The following PSD3 variants were observed in gnomAD, a reference collection of about 807,000 sequenced individuals.
PSD3 encodes the protein PH and SEC7 domain-containing protein 3.
PSD3 carries 49 observed loss-of-function variants against 105.5 expected under a neutral mutation model. The observed-to-expected ratio is 0.46, with a 90% CI of 0.37 to 0.59. The LOEUF is 0.59. Ranked by LOEUF, PSD3 falls within the 20% of genes least tolerant of loss-of-function variation. PSD3 has a pLI of 0.00. For synonymous variants in PSD3, 557 were observed against 457.8 expected, an observed-to-expected ratio of 1.22 and a Z score of -2.77; for missense variants, 1,561 against 1,263.8, an observed-to-expected ratio of 1.24 and a Z score of -3.57.
intron 9 of PSD3, among the ~76,000 whole-genome samples, chr8:18,727,301 C>T (rs1803397009): frequency 1.4e-5 from 2 of 138,244 alleles, no homozygotes. Context: ...CGCACTACTG[C>T]ACTCCAGCCC....
chr8:18,786,954 G>T (rs1034894982), intron 8 of PSD3: 1 of 152,132 alleles, frequency 6.6e-6, no homozygotes, highest in African/African-American at 2.4e-5. Flanking sequence ...TTTCCAAAGG[G>T]AATAAAAGTA....
chr8:18,976,282 T>C (rs1044454269), intron 1 of PSD3, among the ~76,000 whole-genome samples: 6 of 152,132 alleles, frequency 3.9e-5, no homozygotes, highest in Non-Finnish European at 7.3e-5. Context: ...GAAATACAAA[T>C]GCCCAATAAA....
chr8:19,006,282 G>C (rs1228253918), intron 1 of PSD3, among the ~76,000 whole-genome samples: 4 of 117,354 alleles, frequency 3.4e-5, no homozygotes, highest in Non-Finnish European at 6.8e-5. Flanking sequence ...TGACAAGAGC[G>C]AAACTCCATC....
At chr8:18,789,067 C>T (rs1040859569) in intron 8 of PSD3, among the ~76,000 whole-genome samples, 6 of 152,112 alleles carry the variant, frequency 3.9e-5, no homozygotes, top group Non-Finnish European at 7.4e-5. Flanking sequence ...GTCACTGGGA[C>T]TTCTCCCACC....
intron 14 of PSD3, among the ~76,000 whole-genome samples, chr8:18,556,891 G>A (rs893321076): frequency 6.6e-6 from 1 of 152,088 alleles, no homozygotes. Context: ...CAGCTATCTC[G>A]CTTTTCTCTT....
chr8:18,952,770 C>T (rs1823321016), intron 1 of PSD3, among the ~76,000 whole-genome samples: 1 of 152,110 alleles, frequency 6.6e-6, no homozygotes, highest in Admixed American at 6.5e-5. Context: ...TCAGGAGAGC[C>T]CTTCGAAGCT....
chr8:18,900,787 G>C (rs901734033), intron 2 of PSD3, among the ~76,000 whole-genome samples: 1 of 151,686 alleles, frequency 6.6e-6, no homozygotes, highest in Non-Finnish European at 1.5e-5. Context: ...CTACAGGTGT[G>C]CACCAACATG....
At chr8:18,903,884 T>C (rs1346435681) in intron 2 of PSD3, among the ~76,000 whole-genome samples, 2 of 152,100 alleles carry the variant, frequency 1.3e-5, no homozygotes, top group East Asian at 3.9e-4. Flanking sequence ...GCCAAAGTAC[T>C]GTTTCCCCAG....
chr8:18,956,993 C>T (rs1422683756), intron 1 of PSD3, among the ~76,000 whole-genome samples: 1 of 152,254 alleles, frequency 6.6e-6, no homozygotes, highest in African/African-American at 2.4e-5. Context: ...TTCTCCTCTC[C>T]CAAGATGAAA....
Position 18,867,702 on chromosome 8 carries a change from C to A in PSD3, c.1606G>T (p.Gly536Cys), listed in dbSNP as rs781083219. ...NDASDSIYTKGTPEIAFWGSN... is the reference protein window; with the variant it reads ...NDASDSIYTKCTPEIAFWGSN... ...CCCCAGAAAGCAATCTCCGGGGTGC[C>A]TTTCGTGTAGATGGAGTCGCTGGCA... Residue 536 changes from glycine (G) to cysteine (C), a missense_variant, in exon 4 of 16, where the codon GGC becomes TGC. Coordinates refer to ENST00000327040, the MANE Select transcript of PSD3 (RefSeq NM_015310.4). 6 of 1,613,394 alleles carry A rather than the reference C, an allele frequency of 3.7e-6. No individual in the cohort carries two copies. The East Asian group carries it at 1.3e-4, about 36-fold the overall frequency.
At chr8:18,826,586 T>C (rs1813203208) in intron 4 of PSD3, among the ~76,000 whole-genome samples, 1 of 152,192 alleles carries the variant, frequency 6.6e-6, no homozygotes, top group Non-Finnish European at 1.5e-5. Context: ...AATGTTACCA[T>C]CAAAGAAGGA....
At chr8:18,867,253 CA>C (rs1817009916) in intron 4 of PSD3, among the ~76,000 whole-genome samples, 1 of 152,166 alleles carries the variant, frequency 6.6e-6, no homozygotes. Flanking sequence ...TATAGTCCAC[CA>C]CTTTAATTTC....
At chr8:18,697,360 A>T (rs1488814659) in intron 9 of PSD3, among the ~76,000 whole-genome samples, 1 of 152,214 alleles carries the variant, frequency 6.6e-6, no homozygotes, top group Admixed American at 6.5e-5. Flanking sequence ...TGACTGGCCA[A>T]CAAAAGTACC....
chr8:18,584,271 A>C (rs1360079222), intron 12 of PSD3, among the ~76,000 whole-genome samples: 1 of 152,214 alleles, frequency 6.6e-6, no homozygotes, highest in Non-Finnish European at 1.5e-5. Context: ...TCAGAGGCTG[A>C]AGGAAAGTTA....
intron 9 of PSD3, among the ~76,000 whole-genome samples, chr8:18,670,888 A>G (rs1020204806): frequency 6.6e-6 from 1 of 152,108 alleles, no homozygotes; most frequent in African/African-American, 2.4e-5. Flanking sequence ...GGGATTTTCA[A>G]TGTATAATCT....
chr8:18,719,922 G>C (rs1268135257), intron 9 of PSD3, among the ~76,000 whole-genome samples: 3 of 152,110 alleles, frequency 2.0e-5, no homozygotes, highest in Non-Finnish European at 2.9e-5. Flanking sequence ...AAGGATTAAA[G>C]AATACCAACC....
intron 9 of PSD3, among the ~76,000 whole-genome samples, chr8:18,687,526 A>C (rs1800725828): frequency 6.6e-6 from 1 of 151,992 alleles, no homozygotes; most frequent in Admixed American, 6.6e-5. Flanking sequence ...TAAATACGAA[A>C]TGATTTCCCC....
At chr8:19,063,628 G>C (rs1828974835) in intron 1 of PSD3, among the ~76,000 whole-genome samples, 1 of 152,136 alleles carries the variant, frequency 6.6e-6, no homozygotes, top group South Asian at 2.1e-4. Context: ...GAGATCAATA[G>C]CGAGTATAGT....
intron 4 of PSD3, 124 bp downstream of exon 4, chr8:18,867,550 A>G (rs1372362117): frequency 1.6e-6 from 2 of 1,254,660 alleles, no homozygotes; most frequent in Non-Finnish European, 2.2e-6. Context: ...TTTTACTCAC[A>G]TCATTTGCTT....
Sources: gnomAD v4.1 joint callset for allele counts (sites outside exome capture counted in the v4.1 genomes callset) on GRCh38, gnomAD v4.1.1 for gene constraint, MANE v1.5 for transcripts, NCBI Gene and HGNC (gene_info 2026-07-23, HGNC 2026-07-21) for gene names.